Variants in BIK observed in about 807,000 individuals in gnomAD.
BIK encodes the protein BCL2 interacting killer.
In BIK, 14 loss-of-function variants were observed where a neutral mutation model predicts 12.1. That is an observed-to-expected ratio of 1.16 (90% CI 0.77 to 1.81). The LOEUF (loss-of-function observed/expected upper bound fraction) is 1.81. BIK is among the 40% of genes most tolerant of loss of function. BIK has a pLI of 0.00. For missense variants in BIK, 215 were observed against 207.9 expected, an observed-to-expected ratio of 1.03 and a Z score of -0.21; for synonymous variants, 86 against 92.3, an observed-to-expected ratio of 0.93 and a Z score of 0.39.
At chr22:43,121,045 T>C (rs183407547) in intron 1 of BIK, among the ~76,000 whole-genome samples, 1 of 152,176 alleles carries the variant, frequency 6.6e-6, no homozygotes, top group African/African-American at 2.4e-5. Context: ...TGTGGTGGCA[T>C]GTGCCTGTAA....
In BIK at chr22:43,124,011, C is replaced by G. The variant is rs201935155; in HGVS notation, c.-7-5C>G. 8.7e-6 allele frequency: 14 copies of G among 1,612,874 alleles called. No individual in the cohort carries two copies. The East Asian group carries it at 3.1e-4, about 36-fold the overall frequency. On this transcript the variant is annotated splice_polypyrimidine_tract_variant and splice_region_variant and intron_variant, in intron 1 of 4. Transcript: ENST00000216115. ...GTCCAGTCATATGCTGTCTTTTTGC[C>G]CCAGAGGAGAAATGTCTGAAGTAAG...
intron 1 of BIK, among the ~76,000 whole-genome samples, chr22:43,119,968 G>C (rs921238071): frequency 1.3e-5 from 2 of 152,080 alleles, no homozygotes; most frequent in Non-Finnish European, 2.9e-5. Context: ...GACCCTGTCT[G>C]TGAAAAAAAT....
At chr22:43,119,721 C>T (rs1292564039) in intron 1 of BIK, among the ~76,000 whole-genome samples, 1 of 152,118 alleles carries the variant, frequency 6.6e-6, no homozygotes, top group Admixed American at 6.5e-5. Context: ...TCATACCCAT[C>T]CTCTCAGTAC....
intron 3 of BIK, 129 bp from the exon 4 acceptor site, chr22:43,128,367 C>T (rs983800321): frequency 4.1e-6 from 5 of 1,217,808 alleles, no homozygotes; most frequent in South Asian, 4.0e-5. Context: ...GGAAAGGGCC[C>T]CGGGTGGCTG....
chr22:43,116,746 C>T (rs544227476), intron 1 of BIK, among the ~76,000 whole-genome samples: 62 of 152,274 alleles, frequency 4.1e-4, no homozygotes, highest in African/African-American at 1.4e-3. Context: ...CGTAAGCCAC[C>T]GTGCCCGGCC....
At chr22:43,120,557 G>A (rs545094862) in intron 1 of BIK, among the ~76,000 whole-genome samples, 1 of 152,344 alleles carries the variant, frequency 6.6e-6, no homozygotes, top group African/African-American at 2.4e-5. Flanking sequence ...GATTAGGTTG[G>A]AGAGAGCTCC....
At chr22:43,121,441 C>T (rs1236143272) in intron 1 of BIK, among the ~76,000 whole-genome samples, 1 of 152,144 alleles carries the variant, frequency 6.6e-6, no homozygotes, top group Non-Finnish European at 1.5e-5. Context: ...GTGGCTGGGG[C>T]CTTCTTCCTA....
intron 1 of BIK, among the ~76,000 whole-genome samples, chr22:43,121,658 A>G (rs1412145504): frequency 6.6e-6 from 1 of 151,866 alleles, no homozygotes; most frequent in Non-Finnish European, 1.5e-5. Context: ...GAAAGGGGGG[A>G]AAAGCAAACA....
Position 43,116,747 on chromosome 22 carries a change from G to A in BIK, c.-8+5944G>A, listed in dbSNP as rs900850608. Reference sequence around the variant, plus strand: ...GCTGGGATTACAGGCGTAAGCCACCGTGCCCGGCCTGGTGAAACCCCGTCT... The same window carrying A: ...GCTGGGATTACAGGCGTAAGCCACCATGCCCGGCCTGGTGAAACCCCGTCT... On this transcript the variant is annotated intron_variant, in intron 1 of 4. Coordinates refer to ENST00000216115, the MANE Select transcript of BIK (RefSeq NM_001197.5). Among the ~76,000 whole-genome samples, 5 of 152,220 alleles carry A rather than the reference G, an allele frequency of 3.3e-5. No homozygotes were observed. In the East Asian group the frequency reaches 5.8e-4, roughly 18 times the overall value.
intron 1 of BIK, among the ~76,000 whole-genome samples, chr22:43,112,998 G>C (rs1227338440): frequency 6.6e-6 from 1 of 152,200 alleles, no homozygotes; most frequent in Non-Finnish European, 1.5e-5. Context: ...GAGGTCAGGA[G>C]TTGTGAGACG....
chr22:43,112,437 G>A (rs191484627), intron 1 of BIK, among the ~76,000 whole-genome samples: 2 of 151,946 alleles, frequency 1.3e-5, no homozygotes, highest in African/African-American at 2.4e-5. Flanking sequence ...GACCTCAGGC[G>A]ATCCACCCGC....
At chr22:43,113,305 G>C (rs1461672561) in intron 1 of BIK, among the ~76,000 whole-genome samples, 1 of 152,190 alleles carries the variant, frequency 6.6e-6, no homozygotes, top group African/African-American at 2.4e-5. Context: ...GTTAGTTATT[G>C]TAAGTTTGTT....
intron 1 of BIK, among the ~76,000 whole-genome samples, chr22:43,117,794 C>A (rs1930146457): frequency 6.6e-6 from 1 of 151,908 alleles, no homozygotes; most frequent in Non-Finnish European, 1.5e-5. Flanking sequence ...CCTCAGCCAC[C>A]CGAGTAGCTG....
intron 4 of BIK, 30 bp downstream of exon 4, chr22:43,128,655 T>G: frequency 6.3e-7 from 1 of 1,583,346 alleles, no homozygotes. Flanking sequence ...TGACCCTGAC[T>G]TGCGCTGCGG....
intron 1 of BIK, among the ~76,000 whole-genome samples, chr22:43,118,207 C>T (rs1266259887): frequency 2.0e-5 from 3 of 152,126 alleles, no homozygotes; most frequent in Non-Finnish European, 2.9e-5. Context: ...AGGTCATGTG[C>T]GTGTGTGACT....
At chr22:43,124,533 G>A (rs1930278368) in intron 2 of BIK, among the ~76,000 whole-genome samples, 1 of 152,134 alleles carries the variant, frequency 6.6e-6, no homozygotes, top group African/African-American at 2.4e-5. Flanking sequence ...CTTGAAGGAG[G>A]TGACTCTGTT....
Position 43,129,566 on chromosome 22 carries a change from G to A in BIK, c.*261G>A. ...TAACTGTGGCCTGTGCCCAGGAAGAGCCATTCACTCCTGCCCCTGCCCACA... is the reference window on the plus strand; with the variant it reads ...TAACTGTGGCCTGTGCCCAGGAAGAACCATTCACTCCTGCCCCTGCCCACA... On this transcript the variant is annotated 3_prime_UTR_variant, in exon 5 of 5. Coordinates refer to ENST00000216115, the MANE Select transcript of BIK (RefSeq NM_001197.5). 1.7e-6 allele frequency: 1 copy of A among 583,406 alleles called. No individual in the cohort carries two copies. Among genetic ancestry groups the A allele is most frequent in the Non-Finnish European group, 2.9e-6 (1 of 346,746 alleles). 36.1% of individuals were successfully genotyped at this position (583,406 alleles called of 1,614,324 possible).
At chr22:43,117,615 A>C (rs1930141589) in intron 1 of BIK, among the ~76,000 whole-genome samples, 2 of 151,198 alleles carry the variant, frequency 1.3e-5, no homozygotes, top group South Asian at 4.2e-4. Context: ...TGTGATCTGC[A>C]CGCCTCAACC....
At chr22:43,113,540 C>T (rs868076647) in intron 1 of BIK, among the ~76,000 whole-genome samples, 1 of 151,460 alleles carries the variant, frequency 6.6e-6, no homozygotes, top group East Asian at 1.9e-4. Flanking sequence ...TAACGTGAGA[C>T]TCCATCTCAA....
Sources: gnomAD v4.1 joint callset for allele counts (sites outside exome capture counted in the v4.1 genomes callset) on GRCh38, gnomAD v4.1.1 for gene constraint, MANE v1.5 for transcripts, NCBI Gene and HGNC (gene_info 2026-07-23, HGNC 2026-07-21) for gene names.